The following GPBP1L1 variants were observed in gnomAD, a reference collection of about 807,000 sequenced individuals.
GPBP1L1 encodes vasculin-like protein 1.
Under a neutral mutation model 52.5 loss-of-function variants are expected in GPBP1L1, and 23 were observed. That is an observed-to-expected ratio of 0.44 (90% CI 0.32 to 0.62). The LOEUF (loss-of-function observed/expected upper bound fraction) is 0.62. Among genes scored for constraint, GPBP1L1 ranks in the 20% least tolerant of loss-of-function variants. The pLI is 0.06. For missense variants in GPBP1L1, 596 were observed against 579.3 expected, an observed-to-expected ratio of 1.03 and a Z score of -0.30; for synonymous variants, 243 against 203.1, an observed-to-expected ratio of 1.20 and a Z score of -1.67.
intron 2 of GPBP1L1, among the ~76,000 whole-genome samples, chr1:45,680,773 A>G (rs903871428): frequency 6.6e-6 from 1 of 152,048 alleles, no homozygotes; most frequent in African/African-American, 2.4e-5. Flanking sequence ...AAATGAGTGA[A>G]TGTATATAAA....
Position 45,653,710 on chromosome 1 carries a change from T to C in GPBP1L1, c.477+833A>G, listed in dbSNP as rs1345850044. Among the ~76,000 whole-genome samples, 103 of 151,074 alleles carry C rather than the reference T, an allele frequency of 6.8e-4. 3 individuals carry two copies. Among genetic ancestry groups the C allele is most frequent in the Non-Finnish European group, 8.9e-5 (6 of 67,796 alleles). ...ATGATAATCTTTTTTTTCTTTTTTTTTTTTTTGAGACAGAGTCTCACTCTA... is the reference window on the plus strand; with the variant it reads ...ATGATAATCTTTTTTTTCTTTTTTTCTTTTTTGAGACAGAGTCTCACTCTA... On this transcript the variant is annotated intron_variant, in intron 6 of 12. Coordinates refer to ENST00000355105, the MANE Select transcript of GPBP1L1 (RefSeq NM_021639.5).
Position 45,645,768 on chromosome 1 carries a change from GTT to G in GPBP1L1, c.478-3271_478-3270del, listed in dbSNP as rs200618825. 312 of 207,890 alleles carry G rather than the reference GTT, an allele frequency of 1.5e-3. 1 individual carries two copies. The highest frequency in any genetic ancestry group is 3.0e-3 in the African/African-American group (94 of 30,820). The allele number at this position is 207,890 out of a possible 1,614,324, so 12.9% of individuals were successfully genotyped here. ...TGGGAACGATATTCCGAAGTTTTTT[GTT>G]TTTTTTTTTTTTGAGGCATTTTATT... On this transcript the variant is annotated intron_variant, in intron 6 of 12. Transcript: ENST00000355105.
chr1:45,680,049 C>T (rs1234886063), intron 2 of GPBP1L1, among the ~76,000 whole-genome samples: 1 of 152,056 alleles, frequency 6.6e-6, no homozygotes, highest in Non-Finnish European at 1.5e-5. Context: ...CACTGCACTC[C>T]AATCTGAGCA....
chr1:45,650,137 G>A (rs1320661444), intron 6 of GPBP1L1, among the ~76,000 whole-genome samples: 1 of 152,118 alleles, frequency 6.6e-6, no homozygotes, highest in Non-Finnish European at 1.5e-5. Flanking sequence ...AAAAGCTGTA[G>A]CCAATACTGC....
intron 2 of GPBP1L1, among the ~76,000 whole-genome samples, chr1:45,680,153 G>T (rs1569893373): frequency 6.6e-6 from 1 of 151,788 alleles, no homozygotes; most frequent in African/African-American, 2.4e-5. Context: ...CAAGTAAACA[G>T]GCTATTTGTA....
At chr1:45,677,341 G>GAA (rs35311976) in intron 2 of GPBP1L1, among the ~76,000 whole-genome samples, 16 of 117,528 alleles carry the variant, frequency 1.4e-4, no homozygotes, top group East Asian at 4.8e-4. Flanking sequence ...TTCGTCTCAG[G>GAA]AAAAAAAAAA....
chr1:45,640,462 C>G, intron 7 of GPBP1L1, 59 bp from the exon 8 acceptor site: 2 of 1,411,308 alleles, frequency 1.4e-6, no homozygotes, highest in Non-Finnish European at 2.0e-6. Flanking sequence ...TAACATGAAG[C>G]ATAGTTTATA....
intron 6 of GPBP1L1, among the ~76,000 whole-genome samples, chr1:45,647,888 G>T (rs766422272): frequency 3.3e-5 from 5 of 152,164 alleles, no homozygotes; most frequent in Non-Finnish European, 5.9e-5. Context: ...CACTGTCTTA[G>T]CCCTAAGGGT....
At chr1:45,636,362 G>C (rs1285558934) in intron 8 of GPBP1L1, among the ~76,000 whole-genome samples, 1 of 152,030 alleles carries the variant, frequency 6.6e-6, no homozygotes, top group Non-Finnish European at 1.5e-5. Context: ...AATTTCATTA[G>C]AAAAAGCAAT....
chr1:45,646,702 C>T (rs1005215808), intron 6 of GPBP1L1, among the ~76,000 whole-genome samples: 3 of 151,898 alleles, frequency 2.0e-5, no homozygotes, highest in Non-Finnish European at 2.9e-5. Context: ...GGACTACAGG[C>T]GCCCGCCACC....
chr1:45,687,560 T>G (rs1645306072), upstream of GPBP1L1: 1 of 152,156 alleles, frequency 6.6e-6, no homozygotes, highest in South Asian at 2.1e-4. Context: ...CCATTTCCTG[T>G]GAAACAAGTC....
chr1:45,681,360 T>C (rs890582148), intron 2 of GPBP1L1, among the ~76,000 whole-genome samples: 1 of 151,948 alleles, frequency 6.6e-6, no homozygotes, highest in African/African-American at 2.4e-5. Context: ...ATCAAGAAAA[T>C]CTAGAATGTG....
At chr1:45,646,156 G>T in intron 6 of GPBP1L1, 1 of 376,514 alleles carries the variant, frequency 2.7e-6, no homozygotes. Context: ...CGGCATTGGT[G>T]ATACTCTTGA....
intron 6 of GPBP1L1, among the ~76,000 whole-genome samples, chr1:45,652,002 C>T (rs1644824926): frequency 6.6e-6 from 1 of 152,134 alleles, no homozygotes; most frequent in African/African-American, 2.4e-5. Flanking sequence ...ATAATATTTG[C>T]TATAGAGTAG....
At chr1:45,667,423 G>A (rs941115968) in intron 2 of GPBP1L1, among the ~76,000 whole-genome samples, 1 of 151,958 alleles carries the variant, frequency 6.6e-6, no homozygotes, top group African/African-American at 2.4e-5. Flanking sequence ...TATGTCAGGC[G>A]CACTATTCGG....
chr1:45,683,751 C>CA (rs55857116), intron 2 of GPBP1L1, among the ~76,000 whole-genome samples: 16,734 of 92,892 alleles, frequency 0.18, 1,733 homozygotes, highest in Non-Finnish European at 0.23. Context: ...TAATAAAATA[C>CA]AAAAAAAAAA....
Position 45,659,009 on chromosome 1 carries a change from C to T in GPBP1L1, c.60+19G>A, listed in dbSNP as rs374290734. On this transcript the variant is annotated intron_variant, in intron 4 of 12. Transcript: ENST00000355105. Reference sequence around the variant, plus strand: ...CCCTCTCATATTTGAGAAGTTACTACAGGAATGGAGAACAGTACCTTAGCT... The same window carrying T: ...CCCTCTCATATTTGAGAAGTTACTATAGGAATGGAGAACAGTACCTTAGCT... 6.6e-7 allele frequency: 1 copy of T among 1,520,796 alleles called. No individual in the cohort carries two copies. Among genetic ancestry groups the T allele is most frequent in the Non-Finnish European group, 9.1e-7 (1 of 1,095,230 alleles). The allele number at this position is 1,520,796 out of a possible 1,614,324, so 94.2% of individuals were successfully genotyped here.
chr1:45,655,448 T>C (rs1327383933), intron 4 of GPBP1L1, 129 bp from the exon 5 acceptor site: 4 of 1,033,448 alleles, frequency 3.9e-6, no homozygotes, highest in Non-Finnish European at 5.8e-6. Context: ...ATTGTAAGCA[T>C]ATGGACCCTA....
chr1:45,633,955 C>T, intron 9 of GPBP1L1, 141 bp downstream of exon 9: 1 of 1,006,092 alleles, frequency 9.9e-7, no homozygotes, highest in Non-Finnish European at 1.4e-6. Context: ...TGGATGCTAA[C>T]AGAAAACATC....
Sources: gnomAD v4.1 joint callset for allele counts (sites outside exome capture counted in the v4.1 genomes callset) on GRCh38, gnomAD v4.1.1 for gene constraint, MANE v1.5 for transcripts, NCBI Gene and HGNC (gene_info 2026-07-23, HGNC 2026-07-21) for gene names.